Variants in DCPS observed in about 807,000 individuals in gnomAD.
The protein encoded by DCPS is m7GpppX diphosphatase.
In DCPS, 27 loss-of-function variants were observed where a neutral mutation model predicts 34.7. The observed-to-expected ratio is 0.78, with a 90% CI of 0.57 to 1.07. The LOEUF (loss-of-function observed/expected upper bound fraction) is 1.07, where lower values mean the gene tolerates loss of function less well. DCPS is among the 50% of genes least tolerant of loss of function. The pLI is 0.00. For missense variants in DCPS, 464 were observed against 436.9 expected (o/e 1.06, Z -0.55); for synonymous variants, 185 against 185.7 (o/e 1.00, Z 0.03).
rs1296061756 is a variant in DCPS at position 126,306,761 on chromosome 11, C to G, written c.376+17C>G. On this transcript the variant is annotated intron_variant, in intron 2 of 5. Coordinates refer to ENST00000263579, the MANE Select transcript of DCPS (RefSeq NM_014026.6). ...AACTGAATGGTGAGCAAGAGGTGGC[C>G]AGGGTGGCTGTATGGAGGGAGAATG... 6 of 1,584,380 alleles carry G rather than the reference C, an allele frequency of 3.8e-6. No individual in the cohort carries two copies. The highest frequency in any genetic ancestry group is 5.2e-6 in the Non-Finnish European group (6 of 1,156,358).
Position 126,348,393 on chromosome 11 carries a change from A to G in DCPS, c.*2780A>G, listed in dbSNP as rs531902661. Among the ~76,000 whole-genome samples the G allele has an allele frequency of 4.6e-5, 7 of 152,320 alleles. No homozygotes were observed. Among genetic ancestry groups the G allele is most frequent in the East Asian group, 3.9e-4 (2 of 5,172 alleles). The stretch of plus-strand genomic sequence containing the variant: ...GGCCTCACCACTTAACTTTTCTTGT[A>G]CATGGAAAGACAAGCCTCTGCTAGA... On this transcript the variant is annotated 3_prime_UTR_variant, in exon 6 of 6. Transcript: ENST00000263579. This position sits in a 1 kb window ranked among gnomAD's most constrained non-coding sequence, Gnocchi z 5.3.
At position 126,315,164 on chromosome 11, in the gene DCPS, T is replaced by C. The variant is rs966798288; in HGVS notation, c.376+8420T>C. ...TCAGGTATTATGCTTATTACCTGGG[T>C]GATGAAATAGTCTCTATGCCAAACC... On this transcript the variant is annotated intron_variant, in intron 2 of 5. Coordinates refer to ENST00000263579, the MANE Select transcript of DCPS (RefSeq NM_014026.6). This position sits in a 1 kb window ranked among gnomAD's most constrained non-coding sequence, Gnocchi z 6.1. Among the ~76,000 whole-genome samples the C allele has an allele frequency of 7.2e-5, 11 of 151,986 alleles. No individual in the cohort carries two copies. The highest frequency in any genetic ancestry group is 2.7e-4 in the African/African-American group (11 of 41,288).
At position 126,324,899 on chromosome 11, in the gene DCPS, TCTGG is replaced by T. The variant is rs1282373600; in HGVS notation, c.377-6501_377-6498del. Among the ~76,000 whole-genome samples, 3 of 152,258 alleles carry T rather than the reference TCTGG, an allele frequency of 2.0e-5. No individual in the cohort carries two copies. In the East Asian group the frequency reaches 5.8e-4, roughly 29 times the overall value. ...CCAGAATTTGGGTGGAGATGCCTTC[TCTGG>T]CTGGGCACGGTGGCTCACACCTATA... On this transcript the variant is annotated intron_variant, in intron 2 of 5. Coordinates refer to ENST00000263579, the MANE Select transcript of DCPS (RefSeq NM_014026.6).
chr11:126,343,771 G>T (rs1156357910), intron 5 of DCPS, among the ~76,000 whole-genome samples: 1 of 152,156 alleles, frequency 6.6e-6, no homozygotes, highest in African/African-American at 2.4e-5. Context: ...AGTTTCTTGG[G>T]AGTATGGGCA....
rs1951698638 is a variant in DCPS, at chr11:126,320,603, G to T, written c.377-10802G>T. ...GGATTGCTTGAGCCCAAGAGTTTGA[G>T]ACCATCCTGGGCAACGTGGCAAAAC... On this transcript the variant is annotated intron_variant, in intron 2 of 5. Coordinates refer to ENST00000263579, the MANE Select transcript of DCPS (RefSeq NM_014026.6). The surrounding 1 kb of genome is among the most constrained non-coding windows in gnomAD (Gnocchi z 4.7). Among the ~76,000 whole-genome samples, 1 of 152,012 alleles carries T rather than the reference G, an allele frequency of 6.6e-6. No individual in the cohort carries two copies. The highest frequency in any genetic ancestry group is 2.4e-5 in the African/African-American group (1 of 41,392).
rs1397609132 is a variant in DCPS at position 126,312,368 on chromosome 11, T to G, written c.376+5624T>G. The stretch of plus-strand genomic sequence containing the variant: ...ATTTATTTATTTTTGGGGCAGAATC[T>G]CTCTCTGTCACCCAGGCTGGAGTGC... On this transcript the variant is annotated intron_variant, in intron 2 of 5. Transcript: ENST00000263579. This position sits in a 1 kb window ranked among gnomAD's most constrained non-coding sequence, Gnocchi z 5.1. Among the ~76,000 whole-genome samples the G allele has an allele frequency of 6.6e-6, 1 of 152,028 alleles. No individual in the cohort carries two copies. The highest frequency in any genetic ancestry group is 1.5e-5 in the Non-Finnish European group (1 of 68,018).
Position 126,338,297 on chromosome 11 carries a change from C to A in DCPS, c.534C>A (p.Asn178Lys). The stretch of plus-strand genomic sequence containing the variant: ...CCCCCTCCTTTCAGTGGGTGTATAA[C>A]ATTCTCGACAAGAAGGCTGAAGCGG... ...SQSLSIQWVY[N>K]ILDKKAEADR... is the part of the protein sequence containing the mutation. Residue 178 changes from asparagine (N) to lysine (K), a missense_variant, in exon 4 of 6, where the codon AAC (asparagine) becomes AAA (lysine). Transcript: ENST00000263579. The surrounding 1 kb of genome is among the most constrained non-coding windows in gnomAD (Gnocchi z 5.4). 2 of 1,614,182 alleles carry A rather than the reference C, an allele frequency of 1.2e-6. No individual in the cohort carries two copies. Among genetic ancestry groups the A allele is most frequent in the Non-Finnish European group, 1.7e-6 (2 of 1,180,038 alleles).
At chr11:126,309,713 T>A (rs1951605722) in intron 2 of DCPS, among the ~76,000 whole-genome samples, 1 of 152,198 alleles carries the variant, frequency 6.6e-6, no homozygotes, top group South Asian at 2.1e-4. Flanking sequence ...GCGGTTTGCT[T>A]CAGGGCCCGG....
At chr11:126,318,021 G>A (rs1481191014) in intron 2 of DCPS, among the ~76,000 whole-genome samples, 1 of 152,156 alleles carries the variant, frequency 6.6e-6, no homozygotes, top group Non-Finnish European at 1.5e-5. Flanking sequence ...AGACCCTGGA[G>A]TTTTGCCATC....
intron 2 of DCPS, among the ~76,000 whole-genome samples, chr11:126,318,792 C>T (rs1000174057): frequency 2.0e-5 from 3 of 152,188 alleles, no homozygotes; most frequent in Admixed American, 2.0e-4. Flanking sequence ...CCTGTAGAAG[C>T]CATCAGCAAC....
Position 126,332,461 on chromosome 11 carries a change from T to C in DCPS, c.522+911T>C, listed in dbSNP as rs951749112. The stretch of plus-strand genomic sequence containing the variant: ...GCCTTGTCTTTATCACTCACCCTTG[T>C]TCTCTTCGAGCATTTCTCACTTTTC... On this transcript the variant is annotated intron_variant, in intron 3 of 5. Transcript: ENST00000263579. The surrounding 1 kb of genome is among the most constrained non-coding windows in gnomAD (Gnocchi z 5.4). Among the ~76,000 whole-genome samples, 4 of 152,250 alleles carry C rather than the reference T, an allele frequency of 2.6e-5. No individual in the cohort carries two copies. The highest frequency in any genetic ancestry group is 6.5e-5 in the Admixed American group (1 of 15,288).
chr11:126,313,523 G>A lies in DCPS; in HGVS notation c.376+6779G>A, dbSNP rs1257142926. ...CAGTGAAAATGAACTACAGCTGCCTGTATCAATGAAGGATAAATCTCACCA... is the reference window on the plus strand; with the variant it reads ...CAGTGAAAATGAACTACAGCTGCCTATATCAATGAAGGATAAATCTCACCA... On this transcript the variant is annotated intron_variant, in intron 2 of 5. Coordinates refer to ENST00000263579, the MANE Select transcript of DCPS (RefSeq NM_014026.6). The surrounding 1 kb of genome is among the most constrained non-coding windows in gnomAD (Gnocchi z 4.9). 6.6e-6 allele frequency among the ~76,000 whole-genome samples: 1 copy of A among 152,164 alleles called. No individual in the cohort carries two copies. The highest frequency in any genetic ancestry group is 1.5e-5 in the Non-Finnish European group (1 of 68,024).
chr11:126,319,147 G>A lies in DCPS; in HGVS notation c.377-12258G>A, dbSNP rs935994341. Among the ~76,000 whole-genome samples the A allele has an allele frequency of 6.6e-6, 1 of 152,162 alleles. No homozygotes were observed. Among genetic ancestry groups the A allele is most frequent in the Admixed American group, 6.5e-5 (1 of 15,276 alleles). ...TGAGTTGCAGAGAGAAGGAACATAT[G>A]CCTAGAGGGGCGCTTTTCAGCTGGA... is the stretch of plus-strand genomic sequence containing the variant. On this transcript the variant is annotated intron_variant, in intron 2 of 5. Coordinates refer to ENST00000263579, the MANE Select transcript of DCPS (RefSeq NM_014026.6). The surrounding 1 kb of genome is among the most constrained non-coding windows in gnomAD (Gnocchi z 4.5).
At chr11:126,307,162 A>G (rs777005940) in intron 2 of DCPS, among the ~76,000 whole-genome samples, 1 of 151,754 alleles carries the variant, frequency 6.6e-6, no homozygotes, top group Non-Finnish European at 1.5e-5. Context: ...GTGAAACCTC[A>G]TCTCTACTAA....
chr11:126,327,485 A>G lies in DCPS; in HGVS notation c.377-3920A>G, dbSNP rs1353616728. Among the ~76,000 whole-genome samples the G allele has an allele frequency of 6.6e-6, 1 of 152,118 alleles. No individual in the cohort carries two copies. Among genetic ancestry groups the G allele is most frequent in the Non-Finnish European group, 1.5e-5 (1 of 68,028 alleles). ...TCCCTTTGTAATTAATAAGTAATCT[A>G]TGGGAGATATTTTTGAGACTGTGCC... On this transcript the variant is annotated intron_variant, in intron 2 of 5. Coordinates refer to ENST00000263579, the MANE Select transcript of DCPS (RefSeq NM_014026.6). The surrounding 1 kb of genome is among the most constrained non-coding windows in gnomAD (Gnocchi z 4.1).
At chr11:126,343,261 A>G in intron 4 of DCPS, 46 bp from the exon 5 acceptor site, 1 of 1,539,916 alleles carries the variant, frequency 6.5e-7, no homozygotes, top group African/African-American at 1.4e-5. Context: ...CAGCCTCCCC[A>G]GGTCTGTTCC....
chr11:126,347,811 G>A lies in DCPS; in HGVS notation c.*2198G>A, dbSNP rs1466490281. Among the ~76,000 whole-genome samples the A allele has an allele frequency of 2.6e-5, 4 of 152,320 alleles. No homozygotes were observed. The highest frequency in any genetic ancestry group is 1.5e-5 in the Non-Finnish European group (1 of 68,034). On this transcript the variant is annotated 3_prime_UTR_variant, in exon 6 of 6. Transcript: ENST00000263579. This position sits in a 1 kb window ranked among gnomAD's most constrained non-coding sequence, Gnocchi z 4.2. Reference sequence around the variant, plus strand: ...CTCAGTTGTGCCCATTCCAGGTCCAGGGGAAAGAAGTGACCCGCTTCCCCT... The same window carrying A: ...CTCAGTTGTGCCCATTCCAGGTCCAAGGGAAAGAAGTGACCCGCTTCCCCT...
chr11:126,312,203 G>A lies in DCPS; in HGVS notation c.376+5459G>A, dbSNP rs1951622410. On this transcript the variant is annotated intron_variant, in intron 2 of 5. Transcript: ENST00000263579. This position sits in a 1 kb window ranked among gnomAD's most constrained non-coding sequence, Gnocchi z 5.1. ...GCCTCGGCCTCCCAGAGTGCTGAGA[G>A]TACAGGCGTGAGCCACCGCATCTGG... 2.0e-5 allele frequency among the ~76,000 whole-genome samples: 3 copies of A among 152,094 alleles called. No individual in the cohort carries two copies. The highest frequency in any genetic ancestry group is 4.8e-5 in the African/African-American group (2 of 41,412).
At position 126,325,464 on chromosome 11, in the gene DCPS, A is replaced by G. The variant is rs1389114385; in HGVS notation, c.377-5941A>G. ...AAAGAGATAAATTCTCATCTTCCTTAATGAGAAGTCAGTAAGTAATAGTAG... is the reference window on the plus strand; with the variant it reads ...AAAGAGATAAATTCTCATCTTCCTTGATGAGAAGTCAGTAAGTAATAGTAG... On this transcript the variant is annotated intron_variant, in intron 2 of 5. Transcript: ENST00000263579. The surrounding 1 kb of genome is among the most constrained non-coding windows in gnomAD (Gnocchi z 4.3). Among the ~76,000 whole-genome samples, 2 of 152,188 alleles carry G rather than the reference A, an allele frequency of 1.3e-5. No homozygotes were observed. The highest frequency in any genetic ancestry group is 2.9e-5 in the Non-Finnish European group (2 of 68,030).
Sources: allele counts gnomAD v4.1 joint callset (sites outside exome capture counted in the v4.1 genomes callset), GRCh38; gene constraint gnomAD v4.1.1; non-coding constraint Gnocchi (gnomAD v3.1); transcripts MANE v1.5; gene names NCBI Gene and HGNC (gene_info 2026-07-23, HGNC 2026-07-21).